FBXL7: variants seen among roughly 807,000 people sequenced by gnomAD.
The protein encoded by FBXL7 is F-box/LRR-repeat protein 7.
FBXL7 carries 12 observed loss-of-function variants against 38.3 expected under a neutral mutation model. That is an observed-to-expected ratio of 0.31 (90% CI 0.20 to 0.51). The LOEUF (loss-of-function observed/expected upper bound fraction) is 0.51, where lower values mean the gene tolerates loss of function less well. Ranked by LOEUF, FBXL7 falls within the 20% of genes least tolerant of loss-of-function variation. The pLI is 0.98. For missense variants in FBXL7, 567 were observed against 676.4 expected (o/e 0.84, Z 1.79); for synonymous variants, 297 against 300.9 (o/e 0.99, Z 0.13).
At position 15,892,311 on chromosome 5, in the gene FBXL7, A is replaced by G. The variant is rs73752361; in HGVS notation, c.128-35579A>G. ...CAGGTGGTTGACACACGGTAGGGGC[A>G]GATGATGTGGAACCATGCATGTTCT... On this transcript the variant is annotated intron_variant, in intron 2 of 3. Coordinates refer to ENST00000504595, the MANE Select transcript of FBXL7 (RefSeq NM_012304.5). Among the ~76,000 whole-genome samples, 790 of 152,352 alleles carry G rather than the reference A, an allele frequency of 5.2e-3. 12 individuals carry two copies. The highest frequency in any genetic ancestry group is 0.018 in the African/African-American group (750 of 41,590).
At chr5:15,814,500 A>G (rs144323490) in intron 2 of FBXL7, among the ~76,000 whole-genome samples, 4,690 of 152,114 alleles carry the variant, frequency 0.031, 254 homozygotes, top group African/African-American at 0.11. Flanking sequence ...GGGTGCAGCA[A>G]ACCACCATGG....
Position 15,763,036 on chromosome 5 carries a change from T to A in FBXL7, c.127+146964T>A, listed in dbSNP as rs545804350. 3.3e-5 allele frequency among the ~76,000 whole-genome samples: 5 copies of A among 152,334 alleles called. No homozygotes were observed. In the East Asian group the frequency reaches 9.7e-4, roughly 29 times the overall value. On this transcript the variant is annotated intron_variant, in intron 2 of 3. Coordinates refer to ENST00000504595, the MANE Select transcript of FBXL7 (RefSeq NM_012304.5). ...TTTCTCTCTTGCTCTAACACTGCTA[T>A]CAAGTACATTTCATTTTTATCACTG...
At chr5:15,765,944 T>C (rs1458498056) in intron 2 of FBXL7, among the ~76,000 whole-genome samples, 1 of 152,184 alleles carries the variant, frequency 6.6e-6, no homozygotes, top group Non-Finnish European at 1.5e-5. Context: ...AGCGGCTTCC[T>C]GGTTTCAGAT....
chr5:15,593,770 T>G (rs1295988560), intron 1 of FBXL7, among the ~76,000 whole-genome samples: 4 of 152,194 alleles, frequency 2.6e-5, no homozygotes, highest in African/African-American at 9.7e-5. Flanking sequence ...GCTGAATATA[T>G]GCTATTTCTC....
intron 2 of FBXL7, among the ~76,000 whole-genome samples, chr5:15,646,519 G>A (rs6878081): frequency 0.37 from 56,457 of 152,072 alleles, 10,622 homozygotes; most frequent in East Asian, 0.5. Flanking sequence ...TGGCTACAGC[G>A]GGGTCTGAAT....
chr5:15,634,978 C>A (rs7720476), intron 2 of FBXL7, among the ~76,000 whole-genome samples: 2 of 151,914 alleles, frequency 1.3e-5, no homozygotes, highest in Admixed American at 6.6e-5. Flanking sequence ...TGCAAGTTCC[C>A]TTACCACATA....
rs1459266537 is a variant in FBXL7 at position 15,698,049 on chromosome 5, G to A, written c.127+81977G>A. 4.6e-5 allele frequency among the ~76,000 whole-genome samples: 7 copies of A among 152,114 alleles called. No individual in the cohort carries two copies. In the South Asian group the frequency reaches 6.2e-4, roughly 13 times the overall value. ...CAAGTTGCAATGTGCAATTGAAAGC[G>A]CGATATTTTTTCTGATTTTTAATGC... On this transcript the variant is annotated intron_variant, in intron 2 of 3. Transcript: ENST00000504595.
At chr5:15,650,061 C>T (rs76497803) in intron 2 of FBXL7, among the ~76,000 whole-genome samples, 4,350 of 152,300 alleles carry the variant, frequency 0.029, 104 homozygotes, top group East Asian at 0.055. Context: ...GCACTGCCTT[C>T]GGGCTCATCT....
intron 2 of FBXL7, among the ~76,000 whole-genome samples, chr5:15,618,022 G>A (rs1257424746): frequency 6.6e-6 from 1 of 152,088 alleles, no homozygotes; most frequent in Non-Finnish European, 1.5e-5. Context: ...TGCAGGGGTT[G>A]GGGGAGGGTA....
intron 2 of FBXL7, among the ~76,000 whole-genome samples, chr5:15,764,495 A>G (rs1435096861): frequency 6.6e-6 from 1 of 152,208 alleles, no homozygotes; most frequent in Non-Finnish European, 1.5e-5. Flanking sequence ...AAAAGTACAG[A>G]GGCCTCTAGG....
At chr5:15,845,273 T>C (rs1001671476) in intron 2 of FBXL7, among the ~76,000 whole-genome samples, 4 of 152,242 alleles carry the variant, frequency 2.6e-5, no homozygotes, top group African/African-American at 9.6e-5. Context: ...GTGAATTGAC[T>C]GTTTCTAGTT....
chr5:15,764,498 C>T (rs1736532597), intron 2 of FBXL7, among the ~76,000 whole-genome samples: 1 of 152,102 alleles, frequency 6.6e-6, no homozygotes, highest in Admixed American at 6.6e-5. Context: ...AGTACAGAGG[C>T]CTCTAGGATC....
At position 15,815,352 on chromosome 5, in the gene FBXL7, G is replaced by A. The variant is rs563052372; in HGVS notation, c.128-112538G>A. Among the ~76,000 whole-genome samples the A allele has an allele frequency of 1.4e-3, 211 of 152,292 alleles. 1 individual carries two copies. The highest frequency in any genetic ancestry group is 2.7e-3 in the Non-Finnish European group (182 of 68,032). On this transcript the variant is annotated intron_variant, in intron 2 of 3. Coordinates refer to ENST00000504595, the MANE Select transcript of FBXL7 (RefSeq NM_012304.5). ...GCTGTCCAACCTCCATGGAAACAGA[G>A]TTCTTTATGGACGCATTATGCAGGC...
intron 1 of FBXL7, among the ~76,000 whole-genome samples, chr5:15,503,101 T>G (rs1360052045): frequency 6.6e-6 from 1 of 152,154 alleles, no homozygotes; most frequent in Non-Finnish European, 1.5e-5. Flanking sequence ...TAGGCAAGAT[T>G]GAAAACCTTA....
intron 2 of FBXL7, among the ~76,000 whole-genome samples, chr5:15,800,314 G>A (rs981542128): frequency 6.6e-6 from 1 of 152,166 alleles, no homozygotes; most frequent in African/African-American, 2.4e-5. Flanking sequence ...ACATGATGAA[G>A]GGAGACACCA....
intron 1 of FBXL7, among the ~76,000 whole-genome samples, chr5:15,598,643 G>A (rs185100051): frequency 6.6e-6 from 1 of 152,152 alleles, no homozygotes; most frequent in African/African-American, 2.4e-5. Context: ...TATTGAAATT[G>A]TTGACTCTCC....
intron 2 of FBXL7, among the ~76,000 whole-genome samples, chr5:15,890,268 T>C (rs538836297): frequency 1.3e-5 from 2 of 152,202 alleles, no homozygotes; most frequent in South Asian, 2.1e-4. Context: ...TTTTGTTTTT[T>C]TTAAGACAGA....
intron 2 of FBXL7, among the ~76,000 whole-genome samples, chr5:15,696,859 C>G (rs1000044557): frequency 5.9e-5 from 9 of 152,184 alleles, no homozygotes; most frequent in African/African-American, 2.2e-4. Flanking sequence ...TTAGGGGTAT[C>G]TTCTGTGCAG....
chr5:15,834,527 T>C (rs1738537631), intron 2 of FBXL7, among the ~76,000 whole-genome samples: 1 of 152,198 alleles, frequency 6.6e-6, no homozygotes, highest in South Asian at 2.1e-4. Flanking sequence ...TAGGTAGCTT[T>C]CTTTTTTTCA....
Sources: gnomAD v4.1 joint callset for allele counts (sites outside exome capture counted in the v4.1 genomes callset) on GRCh38, gnomAD v4.1.1 for gene constraint, MANE v1.5 for transcripts, NCBI Gene and HGNC (gene_info 2026-07-23, HGNC 2026-07-21) for gene names.